Variants in NRXN1 observed in about 807,000 individuals in gnomAD.
NRXN1 encodes the protein neurexin-1.
NRXN1 carries 39 observed loss-of-function variants against 150.9 expected under a neutral mutation model. The ratio of observed to expected loss-of-function variants is 0.26; its 90% CI spans 0.20 to 0.34. The LOEUF is 0.34. Among genes scored for constraint, NRXN1 ranks in the 10% least tolerant of loss-of-function variants. NRXN1 has a pLI of 1.00. For synonymous variants in NRXN1, 924 were observed against 757.0 expected (o/e 1.22, Z -3.62); for missense variants, 1,815 against 1,949.9 (o/e 0.93, Z 1.30).
intron 19 of NRXN1, among the ~76,000 whole-genome samples, chr2:50,080,536 A>G (rs1028786411): frequency 2.0e-5 from 3 of 152,112 alleles, no homozygotes; most frequent in Non-Finnish European, 4.4e-5. Flanking sequence ...CCACTTCACA[A>G]TCATGAGATG....
intron 18 of NRXN1, among the ~76,000 whole-genome samples, chr2:50,194,584 C>G (rs1448462198): frequency 1.3e-5 from 2 of 152,080 alleles, no homozygotes; most frequent in Non-Finnish European, 2.9e-5. Flanking sequence ...TGTGACAGTT[C>G]CCTTTGAAAG....
At chr2:49,986,362 A>G (rs1047553570) in intron 21 of NRXN1, among the ~76,000 whole-genome samples, 44 of 152,352 alleles carry the variant, frequency 2.9e-4, no homozygotes, top group Admixed American at 2.7e-3. Context: ...TGATTTAAAA[A>G]TAACAATAAA....
At chr2:50,744,588 T>C (rs572463072) in intron 5 of NRXN1, among the ~76,000 whole-genome samples, 3 of 152,306 alleles carry the variant, frequency 2.0e-5, no homozygotes, top group Admixed American at 6.5e-5. Flanking sequence ...ATTTATTCTA[T>C]TGACCTTCGG....
chr2:50,270,974 T>C (rs2069538334), intron 17 of NRXN1, among the ~76,000 whole-genome samples: 1 of 152,140 alleles, frequency 6.6e-6, no homozygotes, highest in African/African-American at 2.4e-5. Context: ...CAGATATAGG[T>C]TTTTGAATAA....
intron 22 of NRXN1, among the ~76,000 whole-genome samples, chr2:49,941,010 C>T (rs985009457): frequency 3.3e-5 from 5 of 151,912 alleles, no homozygotes; most frequent in African/African-American, 7.3e-5. Context: ...AAGTAGCTGT[C>T]GTTAGATAGA....
chr2:50,793,644 C>G (rs1706382267), intron 5 of NRXN1, among the ~76,000 whole-genome samples: 1 of 152,042 alleles, frequency 6.6e-6, no homozygotes, highest in Non-Finnish European at 1.5e-5. Context: ...AGAGATGTTT[C>G]TTCCTCACAT....
chr2:50,590,836 G>A (rs1471429861), intron 8 of NRXN1, among the ~76,000 whole-genome samples: 2 of 152,082 alleles, frequency 1.3e-5, no homozygotes, highest in African/African-American at 4.8e-5. Context: ...TGTTGTTTGA[G>A]CTGCCCAGTC....
chr2:50,509,215 C>T (rs1044373075), intron 12 of NRXN1, among the ~76,000 whole-genome samples: 3 of 152,172 alleles, frequency 2.0e-5, no homozygotes, highest in East Asian at 1.9e-4. Context: ...TATTCAGCCT[C>T]GTAGTTATGA....
At chr2:50,516,597 GA>G (rs1270195844) in intron 12 of NRXN1, among the ~76,000 whole-genome samples, 1 of 152,108 alleles carries the variant, frequency 6.6e-6, no homozygotes, top group African/African-American at 2.4e-5. Flanking sequence ...TGGGCTTGGT[GA>G]TACACCAATA....
chr2:50,143,307 G>A (rs1182728513), intron 18 of NRXN1, among the ~76,000 whole-genome samples: 1 of 151,900 alleles, frequency 6.6e-6, no homozygotes, highest in East Asian at 1.9e-4. Flanking sequence ...TCATTAATGG[G>A]TACAGCTCGA....
chr2:50,936,489 C>A (rs1292202215), intron 2 of NRXN1, among the ~76,000 whole-genome samples: 1 of 152,092 alleles, frequency 6.6e-6, no homozygotes, highest in Non-Finnish European at 1.5e-5. Flanking sequence ...AGTTGTGCAA[C>A]ATGTACAGTA....
intron 17 of NRXN1, among the ~76,000 whole-genome samples, chr2:50,361,796 A>G (rs2079224831): frequency 6.6e-6 from 1 of 152,172 alleles, no homozygotes; most frequent in African/African-American, 2.4e-5. Flanking sequence ...GACACAACAG[A>G]AAAAGAAAAT....
chr2:50,464,244 G>C (rs1383168909), intron 17 of NRXN1, among the ~76,000 whole-genome samples: 1 of 151,698 alleles, frequency 6.6e-6, no homozygotes, highest in Non-Finnish European at 1.5e-5. Context: ...GTAAAATGAA[G>C]AACAAATATT....
At chr2:50,591,540 G>T (rs1330860439) in intron 8 of NRXN1, among the ~76,000 whole-genome samples, 2 of 152,146 alleles carry the variant, frequency 1.3e-5, no homozygotes, top group African/African-American at 4.8e-5. Flanking sequence ...GTGGGTCCCA[G>T]GAAGTTCTGA....
intron 17 of NRXN1, among the ~76,000 whole-genome samples, chr2:50,255,729 T>C (rs1007819892): frequency 7.9e-5 from 12 of 152,138 alleles, no homozygotes; most frequent in African/African-American, 1.7e-4. Flanking sequence ...TTTAAATGGG[T>C]TATTGTATTC....
At chr2:50,856,052 A>C (rs1172328604) in intron 5 of NRXN1, among the ~76,000 whole-genome samples, 1 of 151,548 alleles carries the variant, frequency 6.6e-6, no homozygotes, top group Admixed American at 6.6e-5. Context: ...CACCATGGAA[A>C]GCCTTGGTTT....
chr2:50,466,348 T>C, intron 16 of NRXN1: 1 of 367,170 alleles, frequency 2.7e-6, no homozygotes, highest in South Asian at 1.9e-5. Flanking sequence ...AGGAAAAGAA[T>C]GAAATCTGAA....
chr2:50,944,615 A>G (rs1386665808), intron 2 of NRXN1, among the ~76,000 whole-genome samples: 1 of 152,192 alleles, frequency 6.6e-6, no homozygotes, highest in East Asian at 1.9e-4. Flanking sequence ...TTCTTATCCT[A>G]TACTTCTATC....
chr2:50,211,554 G>T (rs1337777997), intron 18 of NRXN1, among the ~76,000 whole-genome samples: 2 of 151,244 alleles, frequency 1.3e-5, no homozygotes, highest in African/African-American at 2.4e-5. Context: ...AACAGCAAAA[G>T]AAATGTGACG....
Sources: gnomAD v4.1 joint callset for allele counts (sites outside exome capture counted in the v4.1 genomes callset) on GRCh38, gnomAD v4.1.1 for gene constraint, MANE v1.5 for transcripts, NCBI Gene and HGNC (gene_info 2026-07-23, HGNC 2026-07-21) for gene names.